The following RPAP3 variants were observed in gnomAD, a reference collection of about 807,000 sequenced individuals.
RPAP3 encodes the protein RNA polymerase II associated protein 3, also known as RNA polymerase II-associated protein 3.
In RPAP3, 58 loss-of-function variants were observed where a neutral mutation model predicts 88.8. The ratio of observed to expected loss-of-function variants is 0.65; its 90% CI spans 0.53 to 0.81. The LOEUF (loss-of-function observed/expected upper bound fraction) is 0.81. Among genes scored for constraint, RPAP3 ranks in the 40% least tolerant of loss-of-function variants. The pLI is 0.00. For missense variants in RPAP3, 751 were observed against 764.3 expected (o/e 0.98, Z 0.20); for synonymous variants, 255 against 259.9 (o/e 0.98, Z 0.18).
chr12:47,692,933 G>A (rs985297321), intron 5 of RPAP3, among the ~76,000 whole-genome samples: 2 of 152,180 alleles, frequency 1.3e-5, no homozygotes, highest in African/African-American at 4.8e-5. Context: ...CGGCTGGAGT[G>A]CAGCGGCATG....
rs766019965 is a variant in RPAP3, at chr12:47,681,783, T to C, written c.1027A>G (p.Ile343Val). Residue 343 changes from isoleucine to valine, a missense_variant, in exon 10 of 17, where the codon ATT becomes GTT. Ile to Val is a conservative substitution (Grantham distance 29). Transcript: ENST00000005386. ...EEAEKDCTQA[I>V]LLDGSYSKAF... Reference sequence around the variant, plus strand: ...TTAGAATATGAGCCATCTAATAAAATGGCTTGTGTGCAGTCTTTTTCAGCT... The same window carrying C: ...TTAGAATATGAGCCATCTAATAAAACGGCTTGTGTGCAGTCTTTTTCAGCT... 5.0e-6 allele frequency: 8 copies of C among 1,610,840 alleles called. No individual in the cohort carries two copies. In the South Asian group the frequency reaches 6.7e-5, roughly 13 times the overall value.
intron 12 of RPAP3, among the ~76,000 whole-genome samples, chr12:47,677,149 T>C (rs974274923): frequency 3.3e-5 from 5 of 152,158 alleles, no homozygotes; most frequent in African/African-American, 1.2e-4. Flanking sequence ...AACCACATGG[T>C]TATCCCAATA....
Position 47,663,410 on chromosome 12 carries a change from G to A in RPAP3, c.*95C>T, listed in dbSNP as rs1426404002. ...TTATGTTCAAAGATAGTCCTTTCCT[G>A]CTATATAATTTCATTTTCTTAAAAA... On this transcript the variant is annotated 3_prime_UTR_variant, in exon 17 of 17. Transcript: ENST00000005386. 1.4e-6 allele frequency: 1 copy of A among 732,970 alleles called. No individual in the cohort carries two copies. The highest frequency in any genetic ancestry group is 2.7e-5 in the East Asian group (1 of 37,576). 45.4% of individuals were successfully genotyped at this position (732,970 alleles called of 1,614,324 possible). A position where few individuals can be genotyped will look rare whatever the true frequency, so the allele number is the denominator to read the frequency against.
chr12:47,665,892 T>C (rs1938864998), intron 16 of RPAP3, among the ~76,000 whole-genome samples: 1 of 152,078 alleles, frequency 6.6e-6, no homozygotes, highest in Non-Finnish European at 1.5e-5. Context: ...CCTCCCAAAG[T>C]GCTGGGATTA....
In RPAP3 at chr12:47,688,473, T is replaced by A. The variant is rs77649783; in HGVS notation, c.739-472A>T. 7.5e-3 allele frequency among the ~76,000 whole-genome samples: 1,149 copies of A among 152,212 alleles called. 12 individuals are homozygous for A. Among genetic ancestry groups the A allele is most frequent in the African/African-American group, 0.026 (1,073 of 41,532 alleles). On this transcript the variant is annotated intron_variant, in intron 7 of 16. Transcript: ENST00000005386. Reference sequence around the variant, plus strand: ...ATGTAAAAAGCCTGCACATGTACCCTTTGAATCTAAAATACAAGTTGAATT... The same window carrying A: ...ATGTAAAAAGCCTGCACATGTACCCATTGAATCTAAAATACAAGTTGAATT...
chr12:47,665,957 C>T (rs1938866277), intron 16 of RPAP3, among the ~76,000 whole-genome samples: 1 of 152,090 alleles, frequency 6.6e-6, no homozygotes, highest in Non-Finnish European at 1.5e-5. Context: ...AATTACATGT[C>T]CACTTCCCTA....
At chr12:47,666,063 T>G (rs891962926) in intron 16 of RPAP3, among the ~76,000 whole-genome samples, 1 of 152,208 alleles carries the variant, frequency 6.6e-6, no homozygotes, top group African/African-American at 2.4e-5. Context: ...CATGTATGTT[T>G]AGTACAGGAG....
chr12:47,693,797 TAG>T (rs1413203601), intron 5 of RPAP3, among the ~76,000 whole-genome samples: 1 of 152,078 alleles, frequency 6.6e-6, no homozygotes, highest in African/African-American at 2.4e-5. Context: ...CAAAACAATC[TAG>T]AGACATTGCT....
At chr12:47,670,490 C>T in intron 12 of RPAP3, 145 bp from the exon 13 acceptor site, 1 of 601,862 alleles carries the variant, frequency 1.7e-6, no homozygotes, top group Non-Finnish European at 2.9e-6. Context: ...ACTTAGAAGT[C>T]TGAGAATACA....
chr12:47,688,138 T>C (rs1237320757), intron 7 of RPAP3, 137 bp from the exon 8 acceptor site: 1 of 759,674 alleles, frequency 1.3e-6, no homozygotes, highest in Non-Finnish European at 1.9e-6. Flanking sequence ...TTTTCTGCTC[T>C]AATTCAAAAT....
At chr12:47,669,728 G>A (rs1254703738) in intron 13 of RPAP3, among the ~76,000 whole-genome samples, 2 of 152,030 alleles carry the variant, frequency 1.3e-5, no homozygotes, top group African/African-American at 2.4e-5. Flanking sequence ...GTCCACAACA[G>A]TCTTAAATAC....
Position 47,704,525 on chromosome 12 carries a change from C to T in RPAP3, c.-7+1427G>A, listed in dbSNP as rs1473416443. On this transcript the variant is annotated intron_variant, in intron 1 of 16. Transcript: ENST00000005386. ...CTGGGATTACAGGTGCAGGCCACCACGCCCGGCTAATTTTTGTATTTTTTT... is the reference window on the plus strand; with the variant it reads ...CTGGGATTACAGGTGCAGGCCACCATGCCCGGCTAATTTTTGTATTTTTTT... Among the ~76,000 whole-genome samples, 4 of 151,128 alleles carry T rather than the reference C, an allele frequency of 2.6e-5. No individual in the cohort carries two copies. The East Asian group carries it at 6.0e-4, about 23-fold the overall frequency.
intron 10 of RPAP3, 36 bp from the exon 11 acceptor site, chr12:47,679,810 T>TA: frequency 7.1e-7 from 1 of 1,407,370 alleles, no homozygotes; most frequent in Non-Finnish European, 9.9e-7. Context: ...ACAACATAGT[T>TA]AAAATGTGGA....
At position 47,697,634 on chromosome 12, in the gene RPAP3, T is replaced by C. The variant is rs1307794902; in HGVS notation, c.380A>G (p.His127Arg). The change falls in exon 4 of 17, where the codon CAT (histidine) becomes CGT (arginine). Residue 127 changes from histidine to arginine, a missense_variant. Physicochemically the swap from His to Arg is conservative, Grantham distance 29. Coordinates refer to ENST00000005386, the MANE Select transcript of RPAP3 (RefSeq NM_024604.3). ...QESESEEDGIHVDSQKALVLK... is the reference protein window; with the variant it reads ...QESESEEDGIRVDSQKALVLK... ...AACAAGAGCCTTTTGTGAATCTACATGAATCCCATCTTCTTCCGACTCTGA... is the reference window on the plus strand; with the variant it reads ...AACAAGAGCCTTTTGTGAATCTACACGAATCCCATCTTCTTCCGACTCTGA... 3.1e-6 allele frequency: 5 copies of C among 1,610,966 alleles called. No individual in the cohort carries two copies. Among genetic ancestry groups the C allele is most frequent in the South Asian group, 1.1e-5 (1 of 90,276 alleles).
chr12:47,692,785 A>G (rs536788193), intron 5 of RPAP3, among the ~76,000 whole-genome samples: 3 of 152,316 alleles, frequency 2.0e-5, no homozygotes, highest in Admixed American at 2.0e-4. Context: ...TGCCGTCCTC[A>G]CTAAGTTTAA....
chr12:47,682,826 C>T (rs1343421782), intron 9 of RPAP3, among the ~76,000 whole-genome samples: 1 of 152,108 alleles, frequency 6.6e-6, no homozygotes, highest in Non-Finnish European at 1.5e-5. Flanking sequence ...CACTTTCCAG[C>T]AAGAGATAAA....
chr12:47,666,357 A>G (rs538121583), intron 16 of RPAP3, among the ~76,000 whole-genome samples: 3 of 152,216 alleles, frequency 2.0e-5, no homozygotes, highest in Non-Finnish European at 4.4e-5. Context: ...ACCATTTTAA[A>G]TTCTCTGGAC....
At chr12:47,691,388 A>T (rs763507161) in intron 5 of RPAP3, among the ~76,000 whole-genome samples, 4 of 152,132 alleles carry the variant, frequency 2.6e-5, no homozygotes, top group Non-Finnish European at 5.9e-5. Context: ...GAACCCCTCA[A>T]AGTCATCCAT....
At chr12:47,697,753 TTA>T in intron 3 of RPAP3, 34 bp from the exon 4 acceptor site, 1 of 1,554,802 alleles carries the variant, frequency 6.4e-7, no homozygotes, top group Non-Finnish European at 8.7e-7. Context: ...GGGGTCATAA[TTA>T]TATGATTAGG....
Sources: allele counts gnomAD v4.1 joint callset (sites outside exome capture counted in the v4.1 genomes callset), GRCh38; gene constraint gnomAD v4.1.1; transcripts MANE v1.5; gene names NCBI Gene and HGNC (gene_info 2026-07-23, HGNC 2026-07-21).